The following CFAP20DC variants were observed in gnomAD, a reference collection of about 807,000 sequenced individuals.
CFAP20DC encodes the protein CFAP20 domain containing.
A neutral mutation model predicts 101.7 loss-of-function variants in CFAP20DC; 84 were observed. That is an observed-to-expected ratio of 0.83 (90% CI 0.69 to 0.99). CFAP20DC has a LOEUF of 0.99. Ranked by LOEUF, CFAP20DC falls within the 50% of genes least tolerant of loss-of-function variation. The probability of loss-of-function intolerance (pLI) is 0.00; values close to 1 mark genes in which losing one functional copy is unlikely to be tolerated. For synonymous variants in CFAP20DC, 359 were observed against 351.2 expected (o/e 1.02, Z -0.25); for missense variants, 1,007 against 970.3 (o/e 1.04, Z -0.50).
intron 14 of CFAP20DC, among the ~76,000 whole-genome samples, chr3:58,821,126 C>G (rs1300287146): frequency 6.6e-6 from 1 of 151,754 alleles, no homozygotes; most frequent in African/African-American, 2.4e-5. Context: ...TTCCTTACAC[C>G]TTATATAAAA....
At chr3:58,963,273 G>A (rs1345479044) in intron 4 of CFAP20DC, among the ~76,000 whole-genome samples, 1 of 147,722 alleles carries the variant, frequency 6.8e-6, no homozygotes, top group Non-Finnish European at 1.5e-5. Flanking sequence ...TGTTGTAAGA[G>A]TTGATGTCCA....
intron 15 of CFAP20DC, among the ~76,000 whole-genome samples, chr3:58,801,382 C>G (rs1314793948): frequency 6.6e-6 from 1 of 152,078 alleles, no homozygotes; most frequent in African/African-American, 2.4e-5. Flanking sequence ...TTTTGAGAAA[C>G]AAAATGTTTG....
At chr3:58,828,696 A>G (rs2076201244) in intron 14 of CFAP20DC, among the ~76,000 whole-genome samples, 1 of 152,156 alleles carries the variant, frequency 6.6e-6, no homozygotes, top group Non-Finnish European at 1.5e-5. Flanking sequence ...ACTATTGGGT[A>G]CTATGCTCAA....
chr3:58,986,641 G>A (rs1378389774), intron 4 of CFAP20DC, among the ~76,000 whole-genome samples: 1 of 152,128 alleles, frequency 6.6e-6, no homozygotes, highest in African/African-American at 2.4e-5. Flanking sequence ...CCATGTACAT[G>A]ACCTGAGTTT....
At chr3:59,003,437 A>C (rs1164763867) in intron 4 of CFAP20DC, among the ~76,000 whole-genome samples, 1 of 152,222 alleles carries the variant, frequency 6.6e-6, no homozygotes, top group Non-Finnish European at 1.5e-5. Flanking sequence ...AGCAAGCTAA[A>C]GACTGCTTTT....
rs536944391 is a variant in CFAP20DC at position 58,971,775 on chromosome 3, C to A, written c.279-34013G>T. 6.6e-6 allele frequency among the ~76,000 whole-genome samples: 1 copy of A among 152,024 alleles called. No individual in the cohort carries two copies. The highest frequency in any genetic ancestry group is 1.5e-5 in the Non-Finnish European group (1 of 67,998). On this transcript the variant is annotated intron_variant, in intron 4 of 16. Transcript: ENST00000482387. This position sits in a 1 kb window ranked among gnomAD's most constrained non-coding sequence, Gnocchi z 4.1. ...AAGGCAGGTAACAGAGAAAGCCCCA[C>A]TGTCACTACCAAACCAAATGCCAAA...
At chr3:58,765,635 A>C (rs1371855932) in intron 15 of CFAP20DC, among the ~76,000 whole-genome samples, 1 of 152,120 alleles carries the variant, frequency 6.6e-6, no homozygotes, top group Non-Finnish European at 1.5e-5. Context: ...TATTTCAGAA[A>C]TCTAAAACAT....
chr3:58,810,110 A>T (rs2074484071), intron 14 of CFAP20DC, among the ~76,000 whole-genome samples: 1 of 152,212 alleles, frequency 6.6e-6, no homozygotes, highest in African/African-American at 2.4e-5. Flanking sequence ...TCACAGCCGA[A>T]TTCTATCAGA....
chr3:58,740,556 T>C (rs2067858259), downstream of CFAP20DC, among the ~76,000 whole-genome samples: 1 of 152,178 alleles, frequency 6.6e-6, no homozygotes. The surrounding 1 kb of genome is among the most constrained non-coding windows in gnomAD (Gnocchi z 4.6). Context: ...AGGGTGTCTG[T>C]TGCTTGCAAT....
At chr3:58,779,795 C>A (rs1414442824) in intron 15 of CFAP20DC, among the ~76,000 whole-genome samples, 1 of 152,052 alleles carries the variant, frequency 6.6e-6, no homozygotes, top group East Asian at 1.9e-4. Flanking sequence ...ATCTATTTAG[C>A]AAATTGATAA....
chr3:58,940,467 G>A lies in CFAP20DC; in HGVS notation c.279-2705C>T, dbSNP rs182247881. ...AGTTTCTGTGAGTTGTATGACATAGGGGTTGGAGTTCTTTTCTTTCTGTAT... is the reference window on the plus strand; with the variant it reads ...AGTTTCTGTGAGTTGTATGACATAGAGGTTGGAGTTCTTTTCTTTCTGTAT... On this transcript the variant is annotated intron_variant, in intron 4 of 16. Coordinates refer to ENST00000482387, the MANE Select transcript of CFAP20DC (RefSeq NM_001394063.1). Among the ~76,000 whole-genome samples the A allele has an allele frequency of 4.7e-4, 72 of 152,240 alleles. No homozygotes were observed. In the East Asian group the frequency reaches 0.013, roughly 28 times the overall value.
Position 58,869,491 on chromosome 3 carries a change from C to A in CFAP20DC, c.853-1G>T. On this transcript the variant is annotated splice_acceptor_variant, in intron 8 of 16. Transcript: ENST00000482387. LOFTEE classifies it high-confidence loss of function. The surrounding 1 kb of genome is among the most constrained non-coding windows in gnomAD (Gnocchi z 4.3). ...TTTTGGACCCAACGGATCTCACTGT[C>A]TGTAAAGGAATTAATCTGTACATTT... 1 of 1,602,544 alleles carries A rather than the reference C, an allele frequency of 6.2e-7. No homozygotes were observed. Among genetic ancestry groups the A allele is most frequent in the African/African-American group, 1.3e-5 (1 of 74,582 alleles).
downstream of CFAP20DC, among the ~76,000 whole-genome samples, chr3:58,741,012 T>C (rs1171984795): frequency 3.3e-5 from 5 of 152,210 alleles, no homozygotes; most frequent in African/African-American, 1.2e-4. Context: ...AACACAAATA[T>C]GGTTCTAAAT....
In CFAP20DC at chr3:58,750,205, G is replaced by A. The variant is rs116607937; in HGVS notation, c.2332+3564C>T. 5.3e-3 allele frequency among the ~76,000 whole-genome samples: 814 copies of A among 152,308 alleles called. 3 individuals carry two copies. Among genetic ancestry groups the A allele is most frequent in the African/African-American group, 0.019 (784 of 41,576 alleles). ...GACTCAAGGGCCAGATATAACTCAT[G>A]CATTTACTTTTGTATGGCCTGGGGC... On this transcript the variant is annotated intron_variant, in intron 16 of 16. Transcript: ENST00000482387.
chr3:58,943,914 T>A (rs746763948), intron 4 of CFAP20DC, among the ~76,000 whole-genome samples: 8 of 151,812 alleles, frequency 5.3e-5, no homozygotes, highest in African/African-American at 1.7e-4. Context: ...AGCACAAGAA[T>A]GTTGTGAAGC....
At chr3:58,990,092 A>G (rs2092889536) in intron 4 of CFAP20DC, among the ~76,000 whole-genome samples, 1 of 152,150 alleles carries the variant, frequency 6.6e-6, no homozygotes. Flanking sequence ...AGCACAAGGA[A>G]TGCATTTTGT....
At position 58,928,919 on chromosome 3, in the gene CFAP20DC, C is replaced by CT. The variant is rs1044238253; in HGVS notation, c.393+8728dup. On this transcript the variant is annotated intron_variant, in intron 5 of 16. Coordinates refer to ENST00000482387, the MANE Select transcript of CFAP20DC (RefSeq NM_001394063.1). Reference sequence around the variant, plus strand: ...TATTTATCTTTCTTGCCTATATCTCCTTTTTTTTATATTCTCTATTGAGCC... The same window carrying CT: ...TATTTATCTTTCTTGCCTATATCTCCTTTTTTTTTATATTCTCTATTGAGCC... Among the ~76,000 whole-genome samples, 10 of 152,038 alleles carry CT rather than the reference C, an allele frequency of 6.6e-5. 1 individual carries two copies. The South Asian group carries it at 1.0e-3, about 16-fold the overall frequency.
At chr3:59,044,378 G>GCAT (rs1192164066) in intron 3 of CFAP20DC, among the ~76,000 whole-genome samples, 4 of 151,962 alleles carry the variant, frequency 2.6e-5, no homozygotes, top group Admixed American at 1.3e-4. Flanking sequence ...AACCTTAAAG[G>GCAT]CATCAGTGCA....
chr3:58,862,897 GGTT>G, intron 12 of CFAP20DC: 1 of 977,932 alleles, frequency 1.0e-6, no homozygotes, highest in Non-Finnish European at 1.2e-6. Context: ...CAATGTATTA[GGTT>G]TTAAACAAAT....
Sources: allele counts gnomAD v4.1 joint callset (sites outside exome capture counted in the v4.1 genomes callset), GRCh38; gene constraint gnomAD v4.1.1; non-coding constraint Gnocchi (gnomAD v3.1); transcripts MANE v1.5; gene names NCBI Gene and HGNC (gene_info 2026-07-23, HGNC 2026-07-21).